Variants in DOCK3 observed in about 807,000 individuals in gnomAD.
DOCK3 encodes dedicator of cytokinesis protein 3.
DOCK3 carries 60 observed loss-of-function variants against 265.6 expected under a neutral mutation model. The observed-to-expected ratio is 0.23, with a 90% CI of 0.18 to 0.28. The LOEUF is 0.28. Ranked by LOEUF, DOCK3 falls within the 10% of genes least tolerant of loss-of-function variation. The pLI is 1.00. For synonymous variants in DOCK3, 881 were observed against 938.0 expected (o/e 0.94, Z 1.11); for missense variants, 1,981 against 2,594.3 (o/e 0.76, Z 5.14).
intron 4 of DOCK3, among the ~76,000 whole-genome samples, chr3:50,929,228 A>C (rs574480451): frequency 6.6e-5 from 10 of 152,166 alleles, no homozygotes; most frequent in Non-Finnish European, 1.0e-4. Context: ...GCCTCTGAGC[A>C]TATCTGTCTA....
intron 5 of DOCK3, among the ~76,000 whole-genome samples, chr3:50,994,466 G>A (rs1306606723): frequency 6.6e-6 from 1 of 152,146 alleles, no homozygotes; most frequent in Admixed American, 6.5e-5. Flanking sequence ...TTCAAAACTG[G>A]TGTGATGTCA....
At chr3:51,089,486 A>G (rs1248275965) in intron 8 of DOCK3, among the ~76,000 whole-genome samples, 1 of 152,264 alleles carries the variant, frequency 6.6e-6, no homozygotes, top group East Asian at 1.9e-4. Flanking sequence ...CAATTAAAGC[A>G]GACTGAAACT....
intron 4 of DOCK3, among the ~76,000 whole-genome samples, chr3:50,907,325 G>A (rs1479727236): frequency 3.9e-5 from 6 of 151,938 alleles, no homozygotes; most frequent in South Asian, 2.1e-4. Context: ...TTTCTGTCTC[G>A]TTGATCTGTC....
At chr3:51,223,239 G>T (rs866473590) in intron 14 of DOCK3, among the ~76,000 whole-genome samples, 1 of 152,138 alleles carries the variant, frequency 6.6e-6, no homozygotes, top group African/African-American at 2.4e-5. Flanking sequence ...ACCATGCTCA[G>T]CCCCTAGTTT....
intron 40 of DOCK3, among the ~76,000 whole-genome samples, chr3:51,351,378 C>T (rs1393992488): frequency 2.0e-5 from 3 of 152,172 alleles, no homozygotes; most frequent in Non-Finnish European, 4.4e-5. Context: ...AGCTTGTTAT[C>T]ACATCAAAGG....
chr3:50,706,341 T>G (rs1435788130), intron 1 of DOCK3, among the ~76,000 whole-genome samples: 1 of 152,198 alleles, frequency 6.6e-6, no homozygotes. Context: ...TTTATTTCTA[T>G]TTTGAAGGAT....
intron 4 of DOCK3, among the ~76,000 whole-genome samples, chr3:50,894,669 T>G (rs1394587009): frequency 6.6e-6 from 1 of 152,116 alleles, no homozygotes; most frequent in Non-Finnish European, 1.5e-5. Flanking sequence ...TGTTAGTAGA[T>G]GCACAATATA....
At chr3:50,958,527 G>A (rs2076791924) in intron 5 of DOCK3, among the ~76,000 whole-genome samples, 1 of 152,132 alleles carries the variant, frequency 6.6e-6, no homozygotes, top group South Asian at 2.1e-4. Flanking sequence ...ACATATGTAA[G>A]CCCTAGATAA....
intron 4 of DOCK3, among the ~76,000 whole-genome samples, chr3:50,899,340 T>C (rs1405460414): frequency 1.3e-5 from 2 of 152,208 alleles, no homozygotes; most frequent in African/African-American, 4.8e-5. Context: ...TAAATATTCC[T>C]CCATCCCTTT....
intron 49 of DOCK3, among the ~76,000 whole-genome samples, chr3:51,367,390 A>G (rs2087278700): frequency 6.6e-6 from 1 of 151,840 alleles, no homozygotes; most frequent in Non-Finnish European, 1.5e-5. Flanking sequence ...GTGTTTCTGC[A>G]TTTGAGATGG....
chr3:50,821,740 T>G (rs558339844), intron 2 of DOCK3, among the ~76,000 whole-genome samples: 65 of 152,368 alleles, frequency 4.3e-4, no homozygotes, highest in Non-Finnish European at 7.6e-4. Flanking sequence ...GCACCATTTA[T>G]TGAATAGGGA....
intron 5 of DOCK3, among the ~76,000 whole-genome samples, chr3:51,044,375 A>G (rs986918819): frequency 1.3e-5 from 2 of 152,172 alleles, no homozygotes; most frequent in Non-Finnish European, 2.9e-5. Context: ...TGGAAGCTAA[A>G]TGATGAGAGC....
intron 3 of DOCK3, among the ~76,000 whole-genome samples, chr3:50,846,431 T>C (rs2046084717): frequency 6.6e-6 from 1 of 152,186 alleles, no homozygotes; most frequent in South Asian, 2.1e-4. Context: ...GTTGAGGATT[T>C]TGGTCTGCGT....
At chr3:51,236,672 T>A (rs2078363162) in intron 20 of DOCK3, among the ~76,000 whole-genome samples, 1 of 152,128 alleles carries the variant, frequency 6.6e-6, no homozygotes, top group African/African-American at 2.4e-5. Context: ...ATCTCATCAC[T>A]ATTGCAGTAT....
chr3:51,194,120 T>A (rs1261427967), intron 12 of DOCK3, among the ~76,000 whole-genome samples: 1 of 152,154 alleles, frequency 6.6e-6, no homozygotes, highest in Non-Finnish European at 1.5e-5. Flanking sequence ...TCGTTTATTT[T>A]GAGATTTTTT....
At chr3:50,796,932 G>A (rs570354648) in intron 2 of DOCK3, among the ~76,000 whole-genome samples, 8 of 151,922 alleles carry the variant, frequency 5.3e-5, no homozygotes, top group South Asian at 2.1e-4. Flanking sequence ...TCCTGACTTT[G>A]CTCTCTGACT....
intron 9 of DOCK3, among the ~76,000 whole-genome samples, chr3:51,123,421 T>TC (rs2084123187): frequency 6.6e-6 from 1 of 152,226 alleles, no homozygotes; most frequent in Non-Finnish European, 1.5e-5. Context: ...ATGTTGGGGT[T>TC]CTCCAAGACC....
intron 5 of DOCK3, among the ~76,000 whole-genome samples, chr3:51,037,132 A>G (rs1159168174): frequency 6.6e-6 from 1 of 152,086 alleles, no homozygotes; most frequent in Non-Finnish European, 1.5e-5. Context: ...CTTTTAAATG[A>G]TAAAATATAC....
At chr3:50,890,211 T>TAAAG in intron 4 of DOCK3, 130 bp downstream of exon 4, 8 of 626,364 alleles carry the variant, frequency 1.3e-5, no homozygotes, top group South Asian at 3.2e-5. Flanking sequence ...ACATGCTTTA[T>TAAAG]CATGTAATTT....
Sources: allele counts gnomAD v4.1 joint callset (sites outside exome capture counted in the v4.1 genomes callset), GRCh38; gene constraint gnomAD v4.1.1; transcripts MANE v1.5; gene names NCBI Gene and HGNC (gene_info 2026-07-23, HGNC 2026-07-21).